XKR4: variants seen among roughly 807,000 people sequenced by gnomAD.
XKR4 encodes XK-related protein 4.
In XKR4, 12 loss-of-function variants were observed where a neutral mutation model predicts 53.9. The ratio of observed to expected loss-of-function variants is 0.22; its 90% confidence interval spans 0.14 to 0.36. The LOEUF (loss-of-function observed/expected upper bound fraction) is 0.36, where lower values mean the gene tolerates loss of function less well. Ranked by LOEUF, XKR4 falls within the 10% of genes least tolerant of loss-of-function variation. The pLI is 1.00. For synonymous variants in XKR4, 354 were observed against 362.4 expected, an observed-to-expected ratio of 0.98 and a Z score of 0.26; for missense variants, 799 against 859.5, an observed-to-expected ratio of 0.93 and a Z score of 0.88.
intron 1 of XKR4, among the ~76,000 whole-genome samples, chr8:55,303,305 A>T (rs1010110891): frequency 6.6e-6 from 1 of 152,082 alleles, no homozygotes; most frequent in Non-Finnish European, 1.5e-5. Context: ...ACATTTATTG[A>T]TTTGTGTATG....
intron 2 of XKR4, among the ~76,000 whole-genome samples, chr8:55,366,028 C>G (rs1803979079): frequency 6.6e-6 from 1 of 152,226 alleles, no homozygotes; most frequent in Non-Finnish European, 1.5e-5. Flanking sequence ...TGCTGCCTCC[C>G]CTGGGCTGGG....
chr8:55,378,105 G>C (rs865821605), intron 2 of XKR4, among the ~76,000 whole-genome samples: 1 of 152,202 alleles, frequency 6.6e-6, no homozygotes, highest in African/African-American at 2.4e-5. Context: ...TTGGGAAAAG[G>C]AGATCTGGTC....
chr8:55,379,604 C>T (rs1226518501), intron 2 of XKR4, among the ~76,000 whole-genome samples: 2 of 152,212 alleles, frequency 1.3e-5, no homozygotes, highest in African/African-American at 2.4e-5. Flanking sequence ...CAGCATTTCC[C>T]GGGTGCTGGT....
At chr8:55,254,582 G>C (rs530547488) in intron 1 of XKR4, among the ~76,000 whole-genome samples, 1 of 152,120 alleles carries the variant, frequency 6.6e-6, no homozygotes, top group Non-Finnish European at 1.5e-5. Context: ...AGGAAGCGTC[G>C]ATCTCAGAAC....
At chr8:55,406,070 T>C (rs2939691) in intron 2 of XKR4, among the ~76,000 whole-genome samples, 14,435 of 152,250 alleles carry the variant, frequency 0.095, 1,411 homozygotes, top group African/African-American at 0.25. Flanking sequence ...GATGTCTCTG[T>C]TCCTCCTCAG....
At chr8:55,431,271 G>A (rs1330172542) in intron 2 of XKR4, among the ~76,000 whole-genome samples, 8 of 152,162 alleles carry the variant, frequency 5.3e-5, no homozygotes, top group African/African-American at 1.9e-4. Flanking sequence ...TTTGCTTTAT[G>A]TATAGAGAGA....
intron 2 of XKR4, among the ~76,000 whole-genome samples, chr8:55,407,467 A>T (rs1286276009): frequency 2.0e-5 from 3 of 152,256 alleles, no homozygotes; most frequent in African/African-American, 7.2e-5. Flanking sequence ...CCCGCTGTCC[A>T]CGCTGCCTCC....
chr8:55,294,694 C>G (rs16921561), intron 1 of XKR4, among the ~76,000 whole-genome samples: 18,543 of 152,220 alleles, frequency 0.12, 1,455 homozygotes, highest in Non-Finnish European at 0.18. Context: ...ATCTTTTTAT[C>G]CAGTATCTTA....
At chr8:55,247,052 C>CTGGTT (rs1818295011) in intron 1 of XKR4, among the ~76,000 whole-genome samples, 3 of 152,218 alleles carry the variant, frequency 2.0e-5, no homozygotes, top group African/African-American at 7.2e-5. Context: ...CTTAGGAAAC[C>CTGGTT]AGAGCTAAGG....
At chr8:55,338,770 A>G (rs1803500793) in intron 1 of XKR4, among the ~76,000 whole-genome samples, 1 of 152,150 alleles carries the variant, frequency 6.6e-6, no homozygotes, top group Non-Finnish European at 1.5e-5. Context: ...TCCTCAACCA[A>G]ATTAAGCTTT....
chr8:55,354,967 G>A (rs1426348871), intron 1 of XKR4, among the ~76,000 whole-genome samples: 1 of 149,376 alleles, frequency 6.7e-6, no homozygotes, highest in Admixed American at 6.7e-5. Flanking sequence ...GCAATGACAT[G>A]ATCTCGGCTC....
chr8:55,222,911 G>T (rs1306698268), intron 1 of XKR4, among the ~76,000 whole-genome samples: 4 of 152,114 alleles, frequency 2.6e-5, no homozygotes, highest in Non-Finnish European at 2.9e-5. Context: ...AGTCAAAGTG[G>T]TAGATGTAGG....
intron 1 of XKR4, among the ~76,000 whole-genome samples, chr8:55,355,188 G>C (rs1314389729): frequency 6.6e-6 from 1 of 151,842 alleles, no homozygotes; most frequent in Non-Finnish European, 1.5e-5. Flanking sequence ...ACAGGTGTGA[G>C]CCACCATGCC....
chr8:55,108,451 GACTC>G, intron 1 of XKR4, among the ~76,000 whole-genome samples: 1 of 152,220 alleles, frequency 6.6e-6, no homozygotes, highest in Non-Finnish European at 1.5e-5. Context: ...ATTCATCTCT[GACTC>G]AGTCATGTCT....
chr8:55,127,293 G>T (rs1312668999), intron 1 of XKR4, among the ~76,000 whole-genome samples: 10 of 150,396 alleles, frequency 6.6e-5, no homozygotes, highest in Non-Finnish European at 1.3e-4. Context: ...CACTCTGTCG[G>T]CCAGACTGGA....
intron 1 of XKR4, among the ~76,000 whole-genome samples, chr8:55,111,461 A>G (rs1452891181): frequency 6.6e-6 from 1 of 152,168 alleles, no homozygotes; most frequent in Non-Finnish European, 1.5e-5. Flanking sequence ...CCAAGGGGAT[A>G]TACAAGGGAC....
chr8:55,259,300 C>A (rs1313947928), intron 1 of XKR4, among the ~76,000 whole-genome samples: 3 of 152,168 alleles, frequency 2.0e-5, no homozygotes, highest in Non-Finnish European at 4.4e-5. Flanking sequence ...GTGAAATTAC[C>A]TAGTTTGATC....
chr8:55,217,738 TTAGATAGATAGATAGATAGATAGATAGA>T (rs71256520), intron 1 of XKR4, among the ~76,000 whole-genome samples: 3 of 149,244 alleles, frequency 2.0e-5, no homozygotes, highest in Admixed American at 6.7e-5. Context: ...GGAAGACAGA[TTAGATAGATAGATAGATAGATAGATAGA>T]TAGATAGATA....
chr8:55,290,293 C>A (rs1819001506), intron 1 of XKR4, among the ~76,000 whole-genome samples: 1 of 152,036 alleles, frequency 6.6e-6, no homozygotes, highest in African/African-American at 2.4e-5. Flanking sequence ...CCACGACTGG[C>A]TAATTTTTGT....
Sources: allele counts gnomAD v4.1 joint callset (sites outside exome capture counted in the v4.1 genomes callset), GRCh38; gene constraint gnomAD v4.1.1; transcripts MANE v1.5; gene names NCBI Gene and HGNC (gene_info 2026-07-23, HGNC 2026-07-21).